MEIS2: variants seen among roughly 807,000 people sequenced by gnomAD.
MEIS2 encodes the protein homeobox protein Meis2.
In MEIS2, 9 loss-of-function variants were observed where a neutral mutation model predicts 58.6. That is an observed-to-expected ratio of 0.15 (90% CI 0.09 to 0.27). The LOEUF (loss-of-function observed/expected upper bound fraction) is 0.27. Among genes scored for constraint, MEIS2 ranks in the 10% least tolerant of loss-of-function variants. MEIS2 has a pLI of 1.00. For synonymous variants in MEIS2, 221 were observed against 228.4 expected (o/e 0.97, Z 0.29); for missense variants, 427 against 635.0 (o/e 0.67, Z 3.52).
intron 8 of MEIS2, among the ~76,000 whole-genome samples, chr15:36,995,225 G>C (rs1440361085): frequency 6.6e-6 from 1 of 152,134 alleles, no homozygotes; most frequent in Non-Finnish European, 1.5e-5. Flanking sequence ...TTATCTGGCG[G>C]TTTTATGTAA....
intron 1 of MEIS2, 30 bp from the exon 2 acceptor site, chr15:37,098,229 G>T (rs751985180): frequency 6.4e-7 from 1 of 1,553,518 alleles, no homozygotes; most frequent in Non-Finnish European, 8.7e-7. Flanking sequence ...GGGAGGGGGC[G>T]CAGGAGGTGA....
intron 11 of MEIS2, 67 bp downstream of exon 11, chr15:36,895,084 G>T: frequency 1.5e-6 from 2 of 1,309,784 alleles, no homozygotes; most frequent in Non-Finnish European, 2.2e-6. Flanking sequence ...TAGTAGAGTG[G>T]ATGGAGAGGC....
At chr15:37,023,911 CTTTTTTT>C (rs35244111) in intron 8 of MEIS2, among the ~76,000 whole-genome samples, 21 of 101,512 alleles carry the variant, frequency 2.1e-4, no homozygotes, top group African/African-American at 7.4e-4. Flanking sequence ...TTTTCTCTCT[CTTTTTTT>C]TTTTTTTTTT....
Position 37,096,369 on chromosome 15 carries a change from G to C in MEIS2, c.307C>G (p.Pro103Ala). The C allele has an allele frequency of 1.2e-6, 2 of 1,614,052 alleles. No individual in the cohort carries two copies. Among genetic ancestry groups the C allele is most frequent in the Non-Finnish European group, 1.7e-6 (2 of 1,179,984 alleles). Residue 103 changes from proline to alanine, a missense_variant, in exon 3 of 12, where the codon CCC (proline) becomes GCC (alanine). Pro to Ala is a conservative substitution (Grantham distance 27). This residue lies in a region of MEIS2 where 138 missense variants were observed against 263.0 expected (regional missense o/e 0.52). Transcript: ENST00000561208. The stretch of plus-strand genomic sequence containing the variant: ...CCGCCAGCCACTCCAGGTTCCCGGG[G>C]AGTGCAGGTCGCCAGCTCGCACTTC... ...FEKCELATCT[P>A]REPGVAGGDV... is the part of the protein sequence containing the mutation.
chr15:37,020,033 C>A (rs914228210), intron 8 of MEIS2, among the ~76,000 whole-genome samples: 1 of 152,116 alleles, frequency 6.6e-6, no homozygotes, highest in African/African-American at 2.4e-5. Flanking sequence ...GACTCAGCTA[C>A]ACGCCAGGAC....
At chr15:36,913,216 A>C (rs763299923) in intron 9 of MEIS2, among the ~76,000 whole-genome samples, 7 of 152,240 alleles carry the variant, frequency 4.6e-5, no homozygotes, top group Non-Finnish European at 7.3e-5. Context: ...TTTAGAGTGG[A>C]TGCTCAATAA....
intron 8 of MEIS2, among the ~76,000 whole-genome samples, chr15:36,991,819 GCT>G (rs1441933614): frequency 1.9e-5 from 2 of 102,698 alleles, no homozygotes; most frequent in East Asian, 6.0e-4. Flanking sequence ...ACGGAGTCTC[GCT>G]CTGTCGCCCA....
At chr15:36,900,329 C>T (rs2056403545) in intron 9 of MEIS2, among the ~76,000 whole-genome samples, 1 of 152,024 alleles carries the variant, frequency 6.6e-6, no homozygotes, top group Non-Finnish European at 1.5e-5. Flanking sequence ...TTAGTGAGTC[C>T]TTAGGGAATG....
At chr15:36,894,953 G>GT (rs2141220214) in intron 11 of MEIS2, 198 bp downstream of exon 11, 1 of 901,442 alleles carries the variant, frequency 1.1e-6, no homozygotes, top group South Asian at 1.5e-5. Context: ...ATGGGGCAGA[G>GT]TATAATGGTA....
Position 36,892,068 on chromosome 15 carries a change from C to T in MEIS2, c.*105G>A. On this transcript the variant is annotated 3_prime_UTR_variant, in exon 12 of 12. Coordinates refer to ENST00000561208, the MANE Select transcript of MEIS2 (RefSeq NM_170675.5). ...AAAAATGACAAAAGTAAAAAATAAT[C>T]ACAGCTGTCTGGAATTTCATATTAA... 8.0e-7 allele frequency: 1 copy of T among 1,243,200 alleles called. No individual in the cohort carries two copies. Among genetic ancestry groups the T allele is most frequent in the Non-Finnish European group, 1.1e-6 (1 of 873,728 alleles). The allele number at this position is 1,243,200 out of a possible 1,614,324, so 77.0% of individuals were successfully genotyped here.
chr15:36,925,135 A>G (rs750050754), intron 9 of MEIS2, among the ~76,000 whole-genome samples: 2 of 152,216 alleles, frequency 1.3e-5, no homozygotes, highest in Non-Finnish European at 2.9e-5. Context: ...CAAAAAAACA[A>G]AAACAAAAAC....
intron 9 of MEIS2, among the ~76,000 whole-genome samples, chr15:36,933,683 C>T (rs1243397291): frequency 2.0e-5 from 3 of 152,036 alleles, no homozygotes; most frequent in Non-Finnish European, 4.4e-5. Context: ...AATCGTACTA[C>T]CTGTTTCACA....
At chr15:36,923,196 A>G (rs1435000403) in intron 9 of MEIS2, among the ~76,000 whole-genome samples, 2 of 152,218 alleles carry the variant, frequency 1.3e-5, no homozygotes, top group Non-Finnish European at 2.9e-5. Flanking sequence ...CACCTGAATT[A>G]AGGCCATTGT....
Position 37,099,562 on chromosome 15 carries a change from TTC to T in MEIS2, c.-98_-97del. 6.5e-7 allele frequency: 1 copy of T among 1,545,182 alleles called. No homozygotes were observed. Among genetic ancestry groups the T allele is most frequent in the Non-Finnish European group, 8.8e-7 (1 of 1,136,932 alleles). ...TAGGCTGAAGATTCCTTTTTTTTTTTTCCAAACCAAAGAGACTTCTCCCAATT... is the reference window on the plus strand; with the variant it reads ...TAGGCTGAAGATTCCTTTTTTTTTTTCAAACCAAAGAGACTTCTCCCAATT... On this transcript the variant is annotated 5_prime_UTR_variant, in exon 1 of 12. Coordinates refer to ENST00000561208, the MANE Select transcript of MEIS2 (RefSeq NM_170675.5).
intron 9 of MEIS2, among the ~76,000 whole-genome samples, chr15:36,910,124 T>C (rs940437595): frequency 1.3e-5 from 2 of 152,062 alleles, no homozygotes; most frequent in Admixed American, 1.3e-4. Context: ...GAGGATCGCC[T>C]GAGACCAGGA....
chr15:37,036,871 G>T lies in MEIS2; in HGVS notation c.843C>A (p.Gly281=). 3 of 1,613,980 alleles carry T rather than the reference G, an allele frequency of 1.9e-6. No homozygotes were observed. Among genetic ancestry groups the T allele is most frequent in the Non-Finnish European group, 2.5e-6 (3 of 1,179,958 alleles). ...DKDKKRQKKR[G]IFPKVATNIM... is the part of the protein sequence containing the mutation. ...TATTTGTTGCTACTTTGGGGAAAATGCCTCTTTTCTTCTGGCGTTTTTTGT... is the reference window on the plus strand; with the variant it reads ...TATTTGTTGCTACTTTGGGGAAAATTCCTCTTTTCTTCTGGCGTTTTTTGT... Residue 281 remains glycine, a synonymous_variant, in exon 8 of 12, where the codon GGC becomes GGA. Transcript: ENST00000561208.
At chr15:36,977,079 T>C (rs1371430150) in intron 8 of MEIS2, among the ~76,000 whole-genome samples, 6 of 152,180 alleles carry the variant, frequency 3.9e-5, no homozygotes, top group African/African-American at 1.4e-4. Flanking sequence ...TGAGCCACGA[T>C]TGTGGGATTG....
At chr15:37,032,746 A>T (rs1328387174) in intron 8 of MEIS2, among the ~76,000 whole-genome samples, 1 of 152,156 alleles carries the variant, frequency 6.6e-6, no homozygotes, top group Non-Finnish European at 1.5e-5. Context: ...TGTTAAAATT[A>T]TTGTGAATTT....
chr15:37,036,732 A>T (rs948151889), intron 8 of MEIS2, 82 bp downstream of exon 8: 182 of 1,255,298 alleles, frequency 1.4e-4, no homozygotes, highest in Non-Finnish European at 1.9e-4. Flanking sequence ...ACCTTAGTTT[A>T]AAAAAAAATC....
Sources: gnomAD v4.1 joint callset for allele counts (sites outside exome capture counted in the v4.1 genomes callset) on GRCh38, gnomAD v4.1.1 for gene constraint, gnomAD v4.1.1 regional missense constraint, MANE v1.5 for transcripts, NCBI Gene and HGNC (gene_info 2026-07-23, HGNC 2026-07-21) for gene names.